The following SLC15A5 variants were observed in gnomAD, a reference collection of about 807,000 sequenced individuals.
SLC15A5 encodes solute carrier family 15 member 5.
A neutral mutation model predicts 56.1 loss-of-function variants in SLC15A5; 58 were observed. The ratio of observed to expected loss-of-function variants is 1.03; its 90% CI spans 0.84 to 1.29. The LOEUF (loss-of-function observed/expected upper bound fraction) is 1.29. Among genes scored for constraint, SLC15A5 ranks in the 50% most tolerant of loss-of-function variants. The pLI, the probability that SLC15A5 is intolerant of heterozygous loss-of-function variation, is 0.00. For missense variants in SLC15A5, 681 were observed against 672.1 expected (o/e 1.01, Z -0.15); for synonymous variants, 264 against 250.5 (o/e 1.05, Z -0.51).
intron 1 of SLC15A5, among the ~76,000 whole-genome samples, chr12:16,276,167 G>T (rs554552232): frequency 2.0e-5 from 3 of 152,134 alleles, no homozygotes; most frequent in East Asian, 1.9e-4. Flanking sequence ...TATTTGCCAT[G>T]CAGTGACCTA....
intron 5 of SLC15A5, among the ~76,000 whole-genome samples, chr12:16,232,787 A>G (rs972154812): frequency 6.6e-5 from 10 of 152,076 alleles, no homozygotes; most frequent in South Asian, 2.1e-4. Context: ...GTGGTGGCAC[A>G]TAACTGTAAT....
At chr12:16,194,477 T>TCC in intron 7 of SLC15A5, 24 bp from the exon 8 acceptor site, 1 of 1,416,392 alleles carries the variant, frequency 7.1e-7, no homozygotes, top group Non-Finnish European at 9.6e-7. Context: ...ATGTAATTGT[T>TCC]ATTCAACTGC....
intron 6 of SLC15A5, among the ~76,000 whole-genome samples, chr12:16,220,630 C>A (rs976349876): frequency 1.1e-4 from 17 of 152,170 alleles, no homozygotes; most frequent in African/African-American, 4.1e-4. Context: ...GCATTCATAC[C>A]ACAATGACAT....
At chr12:16,276,113 G>T (rs1483047452) in intron 1 of SLC15A5, among the ~76,000 whole-genome samples, 1 of 151,924 alleles carries the variant, frequency 6.6e-6, no homozygotes, top group Non-Finnish European at 1.5e-5. Context: ...ATAATGTCTG[G>T]TACAGAGTAG....
At chr12:16,211,401 CA>C (rs773162499) in intron 7 of SLC15A5, among the ~76,000 whole-genome samples, 2 of 152,128 alleles carry the variant, frequency 1.3e-5, no homozygotes, top group African/African-American at 2.4e-5. Context: ...GGAAATTAAA[CA>C]GCTACATTCT....
At chr12:16,224,746 A>G (rs1359428370) in intron 5 of SLC15A5, 144 bp from the exon 6 acceptor site, 15 of 866,416 alleles carry the variant, frequency 1.7e-5, no homozygotes, top group Non-Finnish European at 1.2e-5. Flanking sequence ...TTTTTATTAT[A>G]CTTTAAGTTC....
intron 5 of SLC15A5, among the ~76,000 whole-genome samples, chr12:16,229,111 C>G (rs1030354194): frequency 3.3e-5 from 5 of 152,234 alleles, no homozygotes; most frequent in African/African-American, 1.2e-4. Flanking sequence ...TTGTCCACCT[C>G]TAACCTATTA....
intron 5 of SLC15A5, among the ~76,000 whole-genome samples, chr12:16,230,119 C>T (rs1306623561): frequency 6.6e-6 from 1 of 152,022 alleles, no homozygotes; most frequent in Non-Finnish European, 1.5e-5. Context: ...AGTTTAATCC[C>T]AGCAAGGAAA....
chr12:16,272,921 A>G (rs1864775658), intron 1 of SLC15A5, 138 bp from the exon 2 acceptor site: 2 of 758,602 alleles, frequency 2.6e-6, no homozygotes, highest in East Asian at 5.4e-5. Flanking sequence ...AGTCATTGCA[A>G]TTTCAGGGAT....
chr12:16,217,083 A>G, intron 6 of SLC15A5, 59 bp from the exon 7 acceptor site: 2 of 1,466,060 alleles, frequency 1.4e-6, no homozygotes, highest in Non-Finnish European at 1.8e-6. Flanking sequence ...TTTCATAGAG[A>G]CTGTTCAAAT....
intron 5 of SLC15A5, among the ~76,000 whole-genome samples, chr12:16,232,960 GGAAA>G (rs1357859944): frequency 1.5e-3 from 212 of 143,972 alleles, no homozygotes; most frequent in African/African-American, 4.9e-3. Context: ...AAAGAAAGAA[GGAAA>G]GAAAGAAAGA....
chr12:16,225,192 G>A (rs1864228985), intron 5 of SLC15A5, among the ~76,000 whole-genome samples: 1 of 152,096 alleles, frequency 6.6e-6, no homozygotes, highest in Non-Finnish European at 1.5e-5. Flanking sequence ...AAACATACAT[G>A]TGCATGTGTA....
At chr12:16,214,132 TA>T (rs1864108485) in intron 7 of SLC15A5, among the ~76,000 whole-genome samples, 1 of 152,178 alleles carries the variant, frequency 6.6e-6, no homozygotes, top group Non-Finnish European at 1.5e-5. Context: ...TTTAAAAAAT[TA>T]GAATAATAAT....
At chr12:16,227,112 G>C (rs1864250041) in intron 5 of SLC15A5, among the ~76,000 whole-genome samples, 1 of 151,906 alleles carries the variant, frequency 6.6e-6, no homozygotes, top group Non-Finnish European at 1.5e-5. Flanking sequence ...TAAAAAAGGA[G>C]GAAACCTCAA....
chr12:16,209,097 T>C (rs1355763926), intron 7 of SLC15A5, among the ~76,000 whole-genome samples: 1 of 151,944 alleles, frequency 6.6e-6, no homozygotes, highest in Non-Finnish European at 1.5e-5. Context: ...GAAATGACTC[T>C]TATTAAAGGT....
At chr12:16,246,282 C>T (rs1864460315) in intron 3 of SLC15A5, among the ~76,000 whole-genome samples, 1 of 152,160 alleles carries the variant, frequency 6.6e-6, no homozygotes, top group South Asian at 2.1e-4. Context: ...CTGTGAGAGG[C>T]CAAGATTTGT....
At chr12:16,268,069 T>C (rs1156535188) in intron 2 of SLC15A5, among the ~76,000 whole-genome samples, 1 of 114,414 alleles carries the variant, frequency 8.7e-6, no homozygotes, top group African/African-American at 3.4e-5. Flanking sequence ...CTGACTCATG[T>C]ACCTTTCAAG....
rs940715159 is a variant in SLC15A5, at chr12:16,224,311, A to T, written c.1351+103T>A. 21 of 1,057,852 alleles carry T rather than the reference A, an allele frequency of 2.0e-5. No homozygotes were observed. The East Asian group carries it at 5.2e-4, about 26-fold the overall frequency. 65.5% of individuals were successfully genotyped at this position (1,057,852 alleles called of 1,614,324 possible). The stretch of plus-strand genomic sequence containing the variant: ...GGAAGTATTGTGGGAACTCTCTAGG[A>T]GGTGAATAGATGACATACCACTTTA... On this transcript the variant is annotated intron_variant, in intron 6 of 8. Coordinates refer to ENST00000344941, the MANE Select transcript of SLC15A5 (RefSeq NM_001170798.1).
Position 16,277,596 on chromosome 12 carries a change from A to G in SLC15A5, c.90T>C (p.Asp30=). The change falls in exon 1 of 9, where the codon GAT becomes GAC. Residue 30 remains aspartate (D), a synonymous_variant. Transcript: ENST00000344941. ...EKEKTVRHIG[D]LCSSHSVKKI... The stretch of plus-strand genomic sequence containing the variant: ...TTTTCACAGAGTGTGAGGAACACAA[A>G]TCGCCAATATGTCTTACAGTTTTCT... The G allele has an allele frequency of 6.5e-7, 1 of 1,536,478 alleles. No individual in the cohort carries two copies. Among genetic ancestry groups the G allele is most frequent in the Non-Finnish European group, 8.7e-7 (1 of 1,146,378 alleles).
Sources: allele counts gnomAD v4.1 joint callset (sites outside exome capture counted in the v4.1 genomes callset), GRCh38; gene constraint gnomAD v4.1.1; transcripts MANE v1.5; gene names NCBI Gene and HGNC (gene_info 2026-07-23, HGNC 2026-07-21).